Variants in SYN2 observed in about 807,000 individuals in gnomAD.
SYN2 encodes synapsin-2.
Under a neutral mutation model 50.9 loss-of-function variants are expected in SYN2, and 19 were observed. That is an observed-to-expected ratio of 0.37 (90% CI 0.26 to 0.55). The LOEUF (loss-of-function observed/expected upper bound fraction) is 0.55. SYN2 is among the 20% of genes least tolerant of loss of function. The probability of loss-of-function intolerance (pLI) is 0.81; values close to 1 mark genes in which losing one functional copy is unlikely to be tolerated. For synonymous variants in SYN2, 255 were observed against 224.9 expected (o/e 1.13, Z -1.20); for missense variants, 587 against 576.4 (o/e 1.02, Z -0.19).
intron 7 of SYN2, among the ~76,000 whole-genome samples, chr3:12,162,853 A>G (rs1214534476): frequency 6.6e-6 from 1 of 152,244 alleles, no homozygotes; most frequent in Non-Finnish European, 1.5e-5. Flanking sequence ...AATTTAGTAA[A>G]GGAAAAGATT....
At chr3:12,180,261 T>A (rs941804837) in intron 10 of SYN2, among the ~76,000 whole-genome samples, 18 of 145,942 alleles carry the variant, frequency 1.2e-4, no homozygotes, top group African/African-American at 4.2e-4. Flanking sequence ...TTTTTTTTTT[T>A]ATGCTACTAT....
intron 1 of SYN2, among the ~76,000 whole-genome samples, chr3:12,026,641 A>G (rs1409264483): frequency 6.6e-6 from 1 of 152,196 alleles, no homozygotes; most frequent in Non-Finnish European, 1.5e-5. Flanking sequence ...ATTGCTCTTT[A>G]GGAAACATTG....
intron 11 of SYN2, among the ~76,000 whole-genome samples, chr3:12,186,379 CCA>C (rs764791843): frequency 7.9e-5 from 12 of 152,140 alleles, no homozygotes; most frequent in Non-Finnish European, 1.5e-4. Flanking sequence ...CTGTCAACTC[CCA>C]GAGGAAGGAG....
At chr3:12,104,179 C>A (rs954264625) in intron 1 of SYN2, among the ~76,000 whole-genome samples, 7 of 152,158 alleles carry the variant, frequency 4.6e-5, no homozygotes. Flanking sequence ...ATCACCCAAG[C>A]TGGAGTACAG....
At chr3:12,051,405 A>AG (rs1298848984) in intron 1 of SYN2, among the ~76,000 whole-genome samples, 1 of 36,138 alleles carries the variant, frequency 2.8e-5, no homozygotes, top group Non-Finnish European at 6.5e-5. Context: ...GCAGAGGCAC[A>AG]GAGCTACTGC....
intron 1 of SYN2, among the ~76,000 whole-genome samples, chr3:12,096,036 A>G (rs1014400011): frequency 2.6e-5 from 4 of 152,002 alleles, no homozygotes; most frequent in African/African-American, 9.7e-5. Context: ...ACAACCATCA[A>G]CCCAATCAAG....
chr3:12,036,120 G>A (rs1694493255), intron 1 of SYN2, among the ~76,000 whole-genome samples: 1 of 152,096 alleles, frequency 6.6e-6, no homozygotes, highest in Non-Finnish European at 1.5e-5. Flanking sequence ...TTGGAGTGGG[G>A]CCCAGCAGAC....
In SYN2 at chr3:12,004,392, C is replaced by T. The variant is rs546731363; in HGVS notation, c.-160C>T. ...GCCGCGCGGGTTGCCTGGCCCAGAC[C>T]GCCGCTGCTGTCTGCGGGGTCTGGT... is the stretch of plus-strand genomic sequence containing the variant. On this transcript the variant is annotated 5_prime_UTR_variant, in exon 1 of 13. Transcript: ENST00000621198. The T allele has an allele frequency of 1.2e-3, 241 of 195,162 alleles. 1 individual carries two copies. The highest frequency in any genetic ancestry group is 5.4e-3 in the African/African-American group (227 of 42,038). The allele number at this position is 195,162 out of a possible 1,614,324, so 12.1% of individuals were successfully genotyped here.
chr3:12,134,235 G>T (rs1202515446), intron 1 of SYN2, among the ~76,000 whole-genome samples: 1 of 152,208 alleles, frequency 6.6e-6, no homozygotes, highest in Admixed American at 6.5e-5. Flanking sequence ...CAAAAACAGT[G>T]AGGGTAATAG....
chr3:12,183,206 G>C, intron 10 of SYN2, 106 bp from the exon 11 acceptor site: 2 of 1,444,376 alleles, frequency 1.4e-6, no homozygotes, highest in East Asian at 2.5e-5. Flanking sequence ...GATCCCACCA[G>C]GTCCCACCGG....
rs576297298 is a variant in SYN2, at chr3:12,094,408, A to C, written c.378-46243A>C. ...GATATGTACCTTATATTTTATAAAAAAAATTTATAACAGCCTAAAGATAGG... is the reference window on the plus strand; with the variant it reads ...GATATGTACCTTATATTTTATAAAACAAATTTATAACAGCCTAAAGATAGG... On this transcript the variant is annotated intron_variant, in intron 1 of 12. Transcript: ENST00000621198. Among the ~76,000 whole-genome samples, 5 of 152,330 alleles carry C rather than the reference A, an allele frequency of 3.3e-5. No homozygotes were observed. In the South Asian group the frequency reaches 1.0e-3, roughly 32 times the overall value.
chr3:12,109,904 G>C (rs1468273380), intron 1 of SYN2, among the ~76,000 whole-genome samples: 1 of 152,142 alleles, frequency 6.6e-6, no homozygotes, highest in Non-Finnish European at 1.5e-5. Context: ...TTAAAATAGT[G>C]ATATACTGGG....
chr3:12,145,372 C>G (rs541174418), intron 3 of SYN2, among the ~76,000 whole-genome samples: 1 of 152,034 alleles, frequency 6.6e-6, no homozygotes, highest in South Asian at 2.1e-4. Flanking sequence ...CCCTGTCTCT[C>G]CAAAACATAA....
At chr3:12,016,565 T>C (rs970356665) in intron 1 of SYN2, among the ~76,000 whole-genome samples, 9 of 152,266 alleles carry the variant, frequency 5.9e-5, no homozygotes, top group African/African-American at 2.2e-4. Context: ...TTTCAAAAAT[T>C]AGGGATGTAG....
At chr3:12,065,777 T>G (rs1695203693) in intron 1 of SYN2, among the ~76,000 whole-genome samples, 1 of 152,166 alleles carries the variant, frequency 6.6e-6, no homozygotes, top group Admixed American at 6.5e-5. Context: ...GGTGACGGAA[T>G]CAATCATAAA....
chr3:12,008,439 A>T (rs1488502869), intron 1 of SYN2, among the ~76,000 whole-genome samples: 1 of 152,202 alleles, frequency 6.6e-6, no homozygotes, highest in Non-Finnish European at 1.5e-5. Flanking sequence ...TTTACTAAAA[A>T]GTAGGGCCTT....
intron 1 of SYN2, among the ~76,000 whole-genome samples, chr3:12,113,375 G>C (rs1696366361): frequency 6.6e-6 from 1 of 151,360 alleles, no homozygotes; most frequent in Admixed American, 6.6e-5. Context: ...CCTTAAAAAA[G>C]GAGGGGAAAA....
At chr3:12,151,196 G>T in intron 4 of SYN2, 41 bp from the exon 5 acceptor site, 1 of 1,421,790 alleles carries the variant, frequency 7.0e-7, no homozygotes, top group Non-Finnish European at 9.8e-7. Context: ...TGTTTCAGAA[G>T]TTATCTAAGA....
intron 1 of SYN2, among the ~76,000 whole-genome samples, chr3:12,040,438 T>C (rs1158757898): frequency 6.7e-6 from 1 of 148,748 alleles, no homozygotes; most frequent in Admixed American, 6.7e-5. Context: ...TTCTTTTTTT[T>C]TTTTTTTTTT....
Sources: allele counts gnomAD v4.1 joint callset (sites outside exome capture counted in the v4.1 genomes callset), GRCh38; gene constraint gnomAD v4.1.1; transcripts MANE v1.5; gene names NCBI Gene and HGNC (gene_info 2026-07-23, HGNC 2026-07-21).